The following UBAP2L variants were observed in gnomAD, a reference collection of about 807,000 sequenced individuals.
UBAP2L encodes ubiquitin-associated protein 2-like.
Under a neutral mutation model 130.6 loss-of-function variants are expected in UBAP2L, and 12 were observed. The observed-to-expected ratio is 0.09, with a 90% CI of 0.06 to 0.15. The LOEUF is 0.15. Among genes scored for constraint, UBAP2L ranks in the 10% least tolerant of loss-of-function variants. The probability of loss-of-function intolerance (pLI) is 1.00; values close to 1 mark genes in which losing one functional copy is unlikely to be tolerated. For missense variants in UBAP2L, 965 were observed against 1,332.5 expected, an observed-to-expected ratio of 0.72 and a Z score of 4.29; for synonymous variants, 503 against 524.7, an observed-to-expected ratio of 0.96 and a Z score of 0.57.
intron 18 of UBAP2L, among the ~76,000 whole-genome samples, chr1:154,256,173 A>G (rs1679586195): frequency 6.6e-6 from 1 of 152,204 alleles, no homozygotes; most frequent in South Asian, 2.1e-4. Context: ...TTGGTCCAAG[A>G]GTCAATTTTA....
chr1:154,228,210 C>CGGAG (rs1397807990), intron 3 of UBAP2L, among the ~76,000 whole-genome samples: 5 of 150,792 alleles, frequency 3.3e-5, no homozygotes, highest in Non-Finnish European at 7.4e-5. Flanking sequence ...TATTTTGAGA[C>CGGAG]GGAGTCTTGC....
Position 154,255,153 on chromosome 1 carries a change from T to C in UBAP2L, c.1911T>C (p.Gly637=). The C allele has an allele frequency of 6.2e-7, 1 of 1,613,934 alleles. No homozygotes were observed. The highest frequency in any genetic ancestry group is 8.5e-7 in the Non-Finnish European group (1 of 1,179,896). ...AATTCCTTTCTTCTAAATTTCTAGG[T>C]GCTACAGGCTCTGCAGTGAAATCTG... ...TQLQTTQSVE[G]ATGSAVKSDS... The change falls in exon 17 of 27, where the codon GGT becomes GGC. Residue 637 remains glycine, a splice_region_variant and synonymous_variant. Transcript: ENST00000428931.
intron 20 of UBAP2L, 109 bp downstream of exon 20, chr1:154,257,543 C>A: frequency 8.7e-7 from 1 of 1,155,030 alleles, no homozygotes; most frequent in African/African-American, 1.5e-5. Flanking sequence ...TGCACATACT[C>A]AAGCCCTGCA....
intron 24 of UBAP2L, 151 bp downstream of exon 24, chr1:154,261,848 CTG>C: frequency 2.8e-6 from 2 of 721,694 alleles, no homozygotes; most frequent in Admixed American, 2.6e-5. Context: ...ACTTGGGTAT[CTG>C]TGGGAGCAGC....
At chr1:154,235,046 A>G (rs1671147854) in intron 5 of UBAP2L, 150 bp from the exon 6 acceptor site, 2 of 651,486 alleles carry the variant, frequency 3.1e-6, no homozygotes, top group African/African-American at 3.7e-5. Context: ...CCATCCTTCC[A>G]GCTCATTTTC....
At chr1:154,255,838 T>C in intron 18 of UBAP2L, 83 bp downstream of exon 18, 1 of 1,532,982 alleles carries the variant, frequency 6.5e-7, no homozygotes, top group East Asian at 2.3e-5. Flanking sequence ...AGAGAATTAT[T>C]GAAAATTTCT....
At chr1:154,249,167 A>G (rs1676671639) in intron 11 of UBAP2L, 72 bp from the exon 12 acceptor site, 4 of 1,479,282 alleles carry the variant, frequency 2.7e-6, no homozygotes, top group Non-Finnish European at 3.8e-6. Flanking sequence ...CTCGGTCTGG[A>G]TAAGTGTCTT....
rs1057024506 is a variant in UBAP2L, at chr1:154,246,025, T to G, written c.843-179T>G. 2.0e-5 allele frequency among the ~76,000 whole-genome samples: 3 copies of G among 152,232 alleles called. No individual in the cohort carries two copies. The East Asian group carries it at 5.8e-4, about 29-fold the overall frequency. On this transcript the variant is annotated intron_variant, in intron 10 of 26. Coordinates refer to ENST00000428931, the MANE Select transcript of UBAP2L (RefSeq NM_014847.4). Reference sequence around the variant, plus strand: ...ATCAGTGGAATTCAGCTATATACTGTAGTGACTCTTATGCATCAGTTATTT... The same window carrying G: ...ATCAGTGGAATTCAGCTATATACTGGAGTGACTCTTATGCATCAGTTATTT...
intron 16 of UBAP2L, 95 bp downstream of exon 16, chr1:154,254,985 C>G: frequency 6.9e-7 from 1 of 1,458,726 alleles, no homozygotes; most frequent in Non-Finnish European, 9.3e-7. Flanking sequence ...ACAATTGAGA[C>G]CCATGCTGTG....
chr1:154,259,706 G>T, intron 21 of UBAP2L: 1 of 637,232 alleles, frequency 1.6e-6, no homozygotes, highest in Non-Finnish European at 2.8e-6. Flanking sequence ...GGTCCTCGTG[G>T]ACTTTGATGT....
chr1:154,257,766 C>G (rs143783651), intron 20 of UBAP2L: 2 of 333,266 alleles, frequency 6.0e-6, no homozygotes, highest in Non-Finnish European at 1.1e-5. Context: ...GGAAAAAATA[C>G]TAAACTGAGG....
intron 12 of UBAP2L, 28 bp from the exon 13 acceptor site, chr1:154,251,013 G>A: frequency 6.3e-7 from 1 of 1,584,676 alleles, no homozygotes; most frequent in East Asian, 2.2e-5. Flanking sequence ...AGCATCTCTG[G>A]CTTCATATAC....
intron 8 of UBAP2L, among the ~76,000 whole-genome samples, chr1:154,240,890 G>C (rs1353952667): frequency 6.6e-6 from 1 of 151,470 alleles, no homozygotes; most frequent in Non-Finnish European, 1.5e-5. Flanking sequence ...ATCAACCTGA[G>C]GACCTTAAAG....
chr1:154,248,504 G>A (rs912269564), intron 11 of UBAP2L, among the ~76,000 whole-genome samples: 1 of 152,094 alleles, frequency 6.6e-6, no homozygotes, highest in African/African-American at 2.4e-5. Flanking sequence ...TTACATTTAT[G>A]TTAATTGTAT....
chr1:154,256,638 C>CA (rs1011876414), intron 18 of UBAP2L, among the ~76,000 whole-genome samples: 13 of 151,658 alleles, frequency 8.6e-5, no homozygotes, highest in African/African-American at 2.4e-4. Context: ...GACCCTGTCT[C>CA]AAAAAAAATG....
At chr1:154,229,089 AT>A (rs1056224525) in intron 4 of UBAP2L, among the ~76,000 whole-genome samples, 5 of 151,412 alleles carry the variant, frequency 3.3e-5, no homozygotes, top group Admixed American at 3.3e-4. Flanking sequence ...ACTATACTTG[AT>A]TCTGTTTTTT....
chr1:154,251,424 A>T (rs1356453266), intron 13 of UBAP2L, 57 bp from the exon 14 acceptor site: 1 of 1,574,708 alleles, frequency 6.4e-7, no homozygotes, highest in Non-Finnish European at 8.6e-7. Flanking sequence ...GGTTTTTTTT[A>T]GTCTTTAGTA....
chr1:154,263,129 C>T, intron 24 of UBAP2L: 1 of 1,552,134 alleles, frequency 6.4e-7, no homozygotes, highest in African/African-American at 1.4e-5. Context: ...CCCTTACAAG[C>T]ATTTCTGGAC....
intron 8 of UBAP2L, among the ~76,000 whole-genome samples, chr1:154,239,591 C>T (rs1672816479): frequency 6.6e-6 from 1 of 152,162 alleles, no homozygotes; most frequent in Non-Finnish European, 1.5e-5. Flanking sequence ...TTCCTCAGCT[C>T]TCTCTCTTCC....
Sources: allele counts gnomAD v4.1 joint callset (sites outside exome capture counted in the v4.1 genomes callset), GRCh38; gene constraint gnomAD v4.1.1; transcripts MANE v1.5; gene names NCBI Gene and HGNC (gene_info 2026-07-23, HGNC 2026-07-21).